The following CBFA2T2 variants were observed in gnomAD, a reference collection of about 807,000 sequenced individuals.
CBFA2T2 encodes CBFA2/RUNX1 partner transcriptional co-repressor 2, also known as protein CBFA2T2.
CBFA2T2 carries 11 observed loss-of-function variants against 62.2 expected under a neutral mutation model. The observed-to-expected ratio is 0.18, with a 90% CI of 0.11 to 0.29. The LOEUF (loss-of-function observed/expected upper bound fraction) is 0.29. Ranked by LOEUF, CBFA2T2 falls within the 10% of genes least tolerant of loss-of-function variation. The pLI, the probability that CBFA2T2 is intolerant of heterozygous loss-of-function variation, is 1.00. For missense variants in CBFA2T2, 592 were observed against 774.1 expected (o/e 0.76, Z 2.79); for synonymous variants, 295 against 287.5 (o/e 1.03, Z -0.27).
chr20:33,508,350 C>T (rs2011439614), intron 1 of CBFA2T2, among the ~76,000 whole-genome samples: 3 of 152,124 alleles, frequency 2.0e-5, no homozygotes. Context: ...CTACCCCGGC[C>T]TGCCAAAGTG....
At chr20:33,617,009 G>C (rs2015735114) in intron 3 of CBFA2T2, among the ~76,000 whole-genome samples, 1 of 152,150 alleles carries the variant, frequency 6.6e-6, no homozygotes, top group Non-Finnish European at 1.5e-5. Flanking sequence ...CCGACTTGAG[G>C]CCAGGAGCTT....
chr20:33,628,507 C>A, intron 7 of CBFA2T2, 72 bp downstream of exon 7: 1 of 1,054,380 alleles, frequency 9.5e-7, no homozygotes, highest in African/African-American at 1.6e-5. Context: ...CTCGCTCTGT[C>A]ACCCAGGATG....
rs1303641400 is a variant in CBFA2T2, at chr20:33,646,208, T to C, written c.*1562T>C. ...TAGTAGAGACAGGGTTTCACCATGT[T>C]GGCCAGGCTGATCTCGAACTCCTGA... On this transcript the variant is annotated 3_prime_UTR_variant, in exon 11 of 11. Transcript: ENST00000342704. The C allele has an allele frequency of 1.3e-5, 2 of 152,210 alleles. No homozygotes were observed. The highest frequency in any genetic ancestry group is 1.5e-5 in the Non-Finnish European group (1 of 68,098). The allele number at this position is 152,210 out of a possible 1,614,324, so 9.4% of individuals were successfully genotyped here. A position where few individuals can be genotyped will look rare whatever the true frequency, so the allele number is the denominator to read the frequency against.
At chr20:33,515,815 A>AG (rs1344073737) in intron 1 of CBFA2T2, among the ~76,000 whole-genome samples, 1 of 151,414 alleles carries the variant, frequency 6.6e-6, no homozygotes, top group Non-Finnish European at 1.5e-5. Flanking sequence ...AAAAAAAAAA[A>AG]AAAAAACGGG....
chr20:33,545,715 T>A (rs571947780), intron 1 of CBFA2T2, among the ~76,000 whole-genome samples: 1 of 152,228 alleles, frequency 6.6e-6, no homozygotes, highest in African/African-American at 2.4e-5. Context: ...CCCAAAATGC[T>A]GGGATTACAG....
chr20:33,567,966 G>A (rs2013408296), intron 1 of CBFA2T2, among the ~76,000 whole-genome samples: 1 of 152,154 alleles, frequency 6.6e-6, no homozygotes, highest in African/African-American at 2.4e-5. Flanking sequence ...GGGGTTTCAG[G>A]CATCCGCTGG....
chr20:33,545,439 C>CTTTCTTTCTTTCTTTCTTTCTTTCTT (rs1555833708), intron 1 of CBFA2T2, among the ~76,000 whole-genome samples: 9 of 148,146 alleles, frequency 6.1e-5, no homozygotes, highest in African/African-American at 2.3e-4. Flanking sequence ...CTCTTTCTTT[C>CTTTCTTTCTTTCTTTCTTTCTTTCTT]TCTTTCTTTC....
At chr20:33,626,888 T>G (rs187299085) in intron 6 of CBFA2T2, among the ~76,000 whole-genome samples, 62 of 152,328 alleles carry the variant, frequency 4.1e-4, no homozygotes, top group African/African-American at 1.3e-3. Context: ...GTACATTGTC[T>G]TATTTTATCC....
At chr20:33,527,025 G>A (rs2011907463) in intron 1 of CBFA2T2, among the ~76,000 whole-genome samples, 1 of 152,214 alleles carries the variant, frequency 6.6e-6, no homozygotes, top group Admixed American at 6.6e-5. Flanking sequence ...TGAATTGGCA[G>A]TAAGTGACTT....
intron 1 of CBFA2T2, among the ~76,000 whole-genome samples, chr20:33,528,232 A>G (rs912519543): frequency 2.0e-5 from 3 of 152,220 alleles, no homozygotes; most frequent in East Asian, 1.9e-4. Context: ...TGTGATATGT[A>G]TAAGACAAGT....
At chr20:33,492,551 G>C (rs542313268) in intron 1 of CBFA2T2, among the ~76,000 whole-genome samples, 2 of 151,796 alleles carry the variant, frequency 1.3e-5, no homozygotes, top group East Asian at 1.9e-4. Flanking sequence ...GTCTCTCTCT[G>C]TCACCCAGAC....
At chr20:33,627,942 T>C (rs1351008291) in intron 6 of CBFA2T2, among the ~76,000 whole-genome samples, 1 of 152,232 alleles carries the variant, frequency 6.6e-6, no homozygotes, top group Non-Finnish European at 1.5e-5. Flanking sequence ...TTACTGATAA[T>C]ATTAAGCTGT....
At chr20:33,521,993 A>G (rs573075840) in intron 1 of CBFA2T2, among the ~76,000 whole-genome samples, 25 of 151,660 alleles carry the variant, frequency 1.6e-4, no homozygotes, top group South Asian at 8.3e-4. Flanking sequence ...AAATAGTAGT[A>G]TATATATATA....
chr20:33,591,477 A>G (rs1215123087), intron 1 of CBFA2T2, among the ~76,000 whole-genome samples: 2 of 134,234 alleles, frequency 1.5e-5, no homozygotes, highest in African/African-American at 6.8e-5. Context: ...CAAAAAAAAA[A>G]AAAAAAAAGA....
intron 1 of CBFA2T2, among the ~76,000 whole-genome samples, chr20:33,504,556 G>A (rs914086329): frequency 6.6e-6 from 1 of 151,608 alleles, no homozygotes; most frequent in South Asian, 2.1e-4. Flanking sequence ...GGTGTGCACC[G>A]CCACGCTTGG....
rs1032428073 is a variant in CBFA2T2 at position 33,646,622 on chromosome 20, G to A, written c.*1976G>A. 7.2e-5 allele frequency: 11 copies of A among 152,092 alleles called. No homozygotes were observed. In the East Asian group the frequency reaches 1.2e-3, roughly 16 times the overall value. 9.4% of individuals were successfully genotyped at this position (152,092 alleles called of 1,614,324 possible). On this transcript the variant is annotated 3_prime_UTR_variant, in exon 11 of 11. Transcript: ENST00000342704. The stretch of plus-strand genomic sequence containing the variant: ...TGTAATCCCAGCACTTTGAGAGACC[G>A]AGGCAGGCAGATCACTTGAGGTCAG...
At chr20:33,510,503 G>A (rs963872386) in intron 1 of CBFA2T2, among the ~76,000 whole-genome samples, 3 of 151,992 alleles carry the variant, frequency 2.0e-5, no homozygotes, top group Non-Finnish European at 2.9e-5. Flanking sequence ...GAGCCACCAC[G>A]CCCGGCCACA....
chr20:33,645,802 G>C lies in CBFA2T2; in HGVS notation c.*1156G>C, dbSNP rs948244033. 3 of 152,130 alleles carry C rather than the reference G, an allele frequency of 2.0e-5. No homozygotes were observed. Among genetic ancestry groups the C allele is most frequent in the Non-Finnish European group, 4.4e-5 (3 of 68,022 alleles). 9.4% of individuals were successfully genotyped at this position (152,130 alleles called of 1,614,324 possible). ...ATTTATCATCAGGCACACAACTTCT[G>C]TTTCCTTCTCTTGTGTTATCTGATA... On this transcript the variant is annotated 3_prime_UTR_variant, in exon 11 of 11. Coordinates refer to ENST00000342704, the MANE Select transcript of CBFA2T2 (RefSeq NM_001032999.3).
chr20:33,554,600 C>CTTTTTTTTTTTTTTT (rs752877501), intron 1 of CBFA2T2, among the ~76,000 whole-genome samples: 2 of 56,288 alleles, frequency 3.6e-5, no homozygotes, highest in African/African-American at 1.5e-4. Context: ...TTTTTCTTTT[C>CTTTTTTTTTTTTTTT]TTTTTTTTTT....
Sources: gnomAD v4.1 joint callset for allele counts (sites outside exome capture counted in the v4.1 genomes callset) on GRCh38, gnomAD v4.1.1 for gene constraint, MANE v1.5 for transcripts, NCBI Gene and HGNC (gene_info 2026-07-23, HGNC 2026-07-21) for gene names.